The following SMIM36 variants were observed in gnomAD, a reference collection of about 807,000 sequenced individuals.
SMIM36 encodes the protein small integral membrane protein 36.
intron 1 of SMIM36, among the ~76,000 whole-genome samples, chr17:55,494,995 G>A (rs184943556): frequency 2.6e-5 from 4 of 152,278 alleles, no homozygotes; most frequent in South Asian, 4.1e-4. Context: ...TATGCAAAGC[G>A]CTTGGTATAG....
chr17:55,526,236 C>T, the SMIM36 span, among the ~76,000 whole-genome samples: 2 of 152,008 alleles, frequency 1.3e-5, no homozygotes, highest in African/African-American at 2.4e-5. Flanking sequence ...CTCCACCTCC[C>T]GGCTTCAGGC....
chr17:55,473,118 ATTCT>A (rs758675239), intron 3 of SMIM36, among the ~76,000 whole-genome samples: 37 of 152,052 alleles, frequency 2.4e-4, no homozygotes, highest in Non-Finnish European at 4.0e-4. Flanking sequence ...AGCTCAGTCC[ATTCT>A]TTCTTCCCTT....
chr17:55,518,611 C>T, the SMIM36 span, among the ~76,000 whole-genome samples: 12,853 of 151,936 alleles, frequency 0.085, 790 homozygotes, highest in East Asian at 0.23. Flanking sequence ...AAAAGTGGAC[C>T]GTGAGTAAAA....
At chr17:55,503,933 T>C (rs1018701834) in intron 1 of SMIM36, among the ~76,000 whole-genome samples, 1 of 126,028 alleles carries the variant, frequency 7.9e-6, no homozygotes, top group Non-Finnish European at 1.6e-5. Context: ...TCCTAGTCTC[T>C]GATAAAACAG....
intron 1 of SMIM36, among the ~76,000 whole-genome samples, chr17:55,485,546 C>G (rs141902591): frequency 6.6e-6 from 1 of 152,038 alleles, no homozygotes; most frequent in Admixed American, 6.6e-5. Flanking sequence ...ACCTCGGCCT[C>G]TCAAAATGCT....
intron 1 of SMIM36, among the ~76,000 whole-genome samples, chr17:55,500,761 TTATATTTTATAATATATAATATATTATTA>T: frequency 8.7e-6 from 1 of 114,784 alleles, no homozygotes; most frequent in Non-Finnish European, 1.6e-5. Flanking sequence ...CACTTATGTT[TTATATTTTATAATATATAATATATTATTA>T]TATATTTTAT....
chr17:55,483,597 A>G (rs1453784985), intron 1 of SMIM36, among the ~76,000 whole-genome samples: 1 of 152,126 alleles, frequency 6.6e-6, no homozygotes, highest in African/African-American at 2.4e-5. Context: ...CTGGGTTTCT[A>G]GTCTGCCTGC....
the SMIM36 span, among the ~76,000 whole-genome samples, chr17:55,518,266 G>A: frequency 2.0e-5 from 3 of 152,136 alleles, no homozygotes; most frequent in East Asian, 3.9e-4. Flanking sequence ...CTACTCTCTT[G>A]ATAACTAACC....
At chr17:55,483,984 C>T (rs1909564020) in intron 1 of SMIM36, among the ~76,000 whole-genome samples, 1 of 152,160 alleles carries the variant, frequency 6.6e-6, no homozygotes, top group Non-Finnish European at 1.5e-5. Flanking sequence ...TCTCTCTCTA[C>T]ACATTCTATT....
At chr17:55,467,624 C>T (rs999676324) in intron 3 of SMIM36, among the ~76,000 whole-genome samples, 1 of 152,152 alleles carries the variant, frequency 6.6e-6, no homozygotes, top group Non-Finnish European at 1.5e-5. Flanking sequence ...TCTCGATCTC[C>T]TGACCTCGTG....
chr17:55,466,682 A>C (rs1909244811), intron 4 of SMIM36, among the ~76,000 whole-genome samples: 1 of 152,034 alleles, frequency 6.6e-6, no homozygotes, highest in Admixed American at 6.6e-5. Context: ...TTCCAGGCCG[A>C]GAGAGTGGGC....
upstream of SMIM36, among the ~76,000 whole-genome samples, chr17:55,515,556 G>A (rs554073334): frequency 6.6e-6 from 1 of 152,252 alleles, no homozygotes; most frequent in South Asian, 2.1e-4. Flanking sequence ...CCAATGACTG[G>A]TGTCCTTATA....
intron 4 of SMIM36, among the ~76,000 whole-genome samples, chr17:55,465,837 T>C (rs555823039): frequency 2.1e-4 from 32 of 152,160 alleles, no homozygotes; most frequent in Non-Finnish European, 2.1e-4. Context: ...GAGTCTCTAA[T>C]AAGGTCCTTA....
intron 1 of SMIM36, among the ~76,000 whole-genome samples, chr17:55,484,544 C>T (rs567737270): frequency 1.4e-4 from 22 of 152,194 alleles, no homozygotes; most frequent in Non-Finnish European, 3.1e-4. Context: ...ACATTATAAA[C>T]CTCCCAGTAC....
Position 55,500,983 on chromosome 17 carries a change from T to TTTTATAA in SMIM36, c.*174+9895_*174+9896insTTATAAA, listed in dbSNP as rs1909920842. 1.1e-4 allele frequency among the ~76,000 whole-genome samples: 5 copies of TTTTATAA among 46,610 alleles called. 2 individuals carry two copies. Among genetic ancestry groups the TTTTATAA allele is most frequent in the Admixed American group, 4.0e-4 (1 of 2,516 alleles). The allele number at this position is 46,610 out of a possible 152,430, so 30.6% of individuals were successfully genotyped here. A position where few individuals can be genotyped will look rare whatever the true frequency, so the allele number is the denominator to read the frequency against. On this transcript the variant is annotated intron_variant, in intron 1 of 4. Coordinates refer to ENST00000636752, the Ensembl canonical transcript of SMIM36. ...ATTTTATAATATATATTATAATATA[T>TTTTATAA]TATATATTATAATATGTAACATATT...
rs1314489139 is a variant in SMIM36 at position 55,473,704 on chromosome 17, GC to G, written c.*347+5057del. On this transcript the variant is annotated intron_variant, in intron 3 of 4. Transcript: ENST00000636752. ...ACCTCTTGCCTTTCTCAAAATTAGA[GC>G]CTGTCCTCAAGGTGCTGCAGGGTAC... Among the ~76,000 whole-genome samples the G allele has an allele frequency of 2.6e-5, 4 of 152,130 alleles. No homozygotes were observed. The East Asian group carries it at 7.7e-4, about 29-fold the overall frequency.
chr17:55,480,230 A>G (rs1909496349), intron 1 of SMIM36, among the ~76,000 whole-genome samples: 1 of 148,230 alleles, frequency 6.7e-6, no homozygotes, highest in African/African-American at 2.5e-5. Context: ...GGCAGAAAAA[A>G]TGGAGCGTTC....
intron 1 of SMIM36, among the ~76,000 whole-genome samples, chr17:55,485,795 A>C (rs1216826525): frequency 6.6e-6 from 1 of 152,174 alleles, no homozygotes; most frequent in Non-Finnish European, 1.5e-5. Flanking sequence ...TTCCCATCTT[A>C]CGTATGAGGA....
chr17:55,530,922 T>C, the SMIM36 span, among the ~76,000 whole-genome samples: 1 of 152,324 alleles, frequency 6.6e-6, no homozygotes, highest in East Asian at 1.9e-4. Context: ...AACTATTAGA[T>C]TCAGGCAGCC....
Sources: allele counts gnomAD v4.1 joint callset (sites outside exome capture counted in the v4.1 genomes callset), GRCh38; gene constraint gnomAD v4.1.1; transcripts MANE v1.5; gene names NCBI Gene and HGNC (gene_info 2026-07-23, HGNC 2026-07-21).